The following MBLAC1 variants were observed in gnomAD, a reference collection of about 807,000 sequenced individuals.
MBLAC1 encodes the protein metallo-beta-lactamase domain-containing protein 1.
In MBLAC1, 1 loss-of-function variant was observed where a neutral mutation model predicts 1.5. The ratio of observed to expected loss-of-function variants is 0.68; its 90% CI spans 0.24 to 3.21. MBLAC1 has a LOEUF of 3.21. Ranked by LOEUF, MBLAC1 falls within the 30% of genes most tolerant of loss-of-function variation. The probability of loss-of-function intolerance (pLI) is 0.20; values close to 1 mark genes in which losing one functional copy is unlikely to be tolerated. For synonymous variants in MBLAC1, 197 were observed against 191.3 expected, an observed-to-expected ratio of 1.03 and a Z score of -0.25; for missense variants, 371 against 384.7, an observed-to-expected ratio of 0.96 and a Z score of 0.30.
rs1427605661 is a variant in MBLAC1, at chr7:100,127,579, C to A, written c.184C>A (p.Pro62Thr). 4 of 1,427,470 alleles carry A rather than the reference C, an allele frequency of 2.8e-6. No individual in the cohort carries two copies. Among genetic ancestry groups the A allele is most frequent in the East Asian group, 2.8e-5 (1 of 36,126 alleles). 88.4% of individuals were successfully genotyped at this position (1,427,470 alleles called of 1,614,324 possible). Reference sequence around the variant, plus strand: ...CCCGGCCTCCAGCCACCGAGAGTCCCCGCGCGGGAGTGGCGGCGCAGAGGC... The same window carrying A: ...CCCGGCCTCCAGCCACCGAGAGTCCACGCGCGGGAGTGGCGGCGCAGAGGC... ...RGPASSHRES[P>T]RGSGGAEAAL... Residue 62 changes from proline to threonine, a missense_variant, in exon 2 of 2, where the codon CCG (proline) becomes ACG (threonine). Pro to Thr is a conservative substitution (Grantham distance 38, BLOSUM62 -1). Transcript: ENST00000398075. This position sits in a 1 kb window ranked among gnomAD's most constrained non-coding sequence, Gnocchi z 4.6.
In MBLAC1 at chr7:100,127,706, C is replaced by G. The variant is rs867905844; in HGVS notation, c.311C>G (p.Pro104Arg). The change falls in exon 2 of 2, where the codon CCG becomes CGG. Residue 104 changes from proline to arginine, a missense_variant. By Grantham distance (103) the Pro-to-Arg change is moderately radical. Transcript: ENST00000398075. This position sits in a 1 kb window ranked among gnomAD's most constrained non-coding sequence, Gnocchi z 4.6. ...LGALAGQGVA[P>R]GDVTLVVGTH... ...GCGCTGGCGGGGCAGGGCGTGGCCC[C>G]GGGAGACGTGACGCTAGTGGTGGGG... 5 of 1,447,612 alleles carry G rather than the reference C, an allele frequency of 3.5e-6. No individual in the cohort carries two copies. The highest frequency in any genetic ancestry group is 4.5e-6 in the Non-Finnish European group (5 of 1,102,406). The allele number at this position is 1,447,612 out of a possible 1,614,324, so 89.7% of individuals were successfully genotyped here.
rs779531502 is a variant in MBLAC1 at position 100,128,176 on chromosome 7, G to T, written c.781G>T (p.Glu261Ter). 1.3e-6 allele frequency: 2 copies of T among 1,594,958 alleles called. No individual in the cohort carries two copies. The highest frequency in any genetic ancestry group is 1.7e-4 in the Middle Eastern group (1 of 6,002). ...NSQQEPVVGD[E>*]EPALH ...CCAGCAGGAGCCGGTGGTCGGAGAC[G>T]AGGAGCCCGCCCTGCACTAATCAGC... The change falls in exon 2 of 2, where the codon GAG becomes TAG. Residue 261 changes from glutamate (E) to a stop codon, truncating the protein, a stop_gained. Transcript: ENST00000398075. LOFTEE classifies it low-confidence loss of function (END_TRUNC).
rs1301832275 is a variant in MBLAC1, at chr7:100,127,346, G to C, written c.-28-22G>C. 3 of 1,501,482 alleles carry C rather than the reference G, an allele frequency of 2.0e-6. No homozygotes were observed. Among genetic ancestry groups the C allele is most frequent in the African/African-American group, 2.8e-5 (2 of 71,386 alleles). The allele number at this position is 1,501,482 out of a possible 1,614,324, so 93.0% of individuals were successfully genotyped here. A position where few individuals can be genotyped will look rare whatever the true frequency, so the allele number is the denominator to read the frequency against. On this transcript the variant is annotated intron_variant, in intron 1 of 1. Transcript: ENST00000398075. This position sits in a 1 kb window ranked among gnomAD's most constrained non-coding sequence, Gnocchi z 4.6. ...CGGAGGGACAGGACGGTCGCCCACTGCTCCATTTCCTTTCTCCCCAGCCCG... is the reference window on the plus strand; with the variant it reads ...CGGAGGGACAGGACGGTCGCCCACTCCTCCATTTCCTTTCTCCCCAGCCCG...
chr7:100,128,209 G>C lies in MBLAC1; in HGVS notation c.*13G>C, dbSNP rs747859946. 196 of 1,562,272 alleles carry C rather than the reference G, an allele frequency of 1.3e-4. No individual in the cohort carries two copies. The highest frequency in any genetic ancestry group is 1.5e-4 in the Non-Finnish European group (171 of 1,151,436). On this transcript the variant is annotated 3_prime_UTR_variant, in exon 2 of 2. Coordinates refer to ENST00000398075, the MANE Select transcript of MBLAC1 (RefSeq NM_203397.3). ...CGCCCTGCACTAATCAGCCTCGAGA[G>C]GGACTGCACTCTTGTCAGGGAAGCC...
Position 100,128,025 on chromosome 7 carries a change from C to T in MBLAC1, c.630C>T (p.Pro210=). Residue 210 remains proline, a synonymous_variant, in exon 2 of 2, where the codon CCC becomes CCT. Transcript: ENST00000398075. ...CGTGGCAGGCACTGAGTGAAGACCC[C>T]GCAGCCCAGGAGCGGAGCCGGAAGA... ...EDSWQALSED[P]AAQERSRKRV... The T allele has an allele frequency of 6.2e-7, 1 of 1,613,606 alleles. No individual in the cohort carries two copies. Among genetic ancestry groups the T allele is most frequent in the Non-Finnish European group, 8.5e-7 (1 of 1,179,846 alleles).
At position 100,127,740 on chromosome 7, in the gene MBLAC1, G is replaced by A; in HGVS notation, c.345G>A (p.Gly115=). The A allele has an allele frequency of 1.3e-6, 2 of 1,507,160 alleles. No individual in the cohort carries two copies. Among genetic ancestry groups the A allele is most frequent in the Admixed American group, 2.2e-5 (1 of 45,216 alleles). The allele number at this position is 1,507,160 out of a possible 1,614,324, so 93.4% of individuals were successfully genotyped here. Residue 115 remains glycine (G), a synonymous_variant, in exon 2 of 2, where the codon GGG becomes GGA. Coordinates refer to ENST00000398075, the MANE Select transcript of MBLAC1 (RefSeq NM_203397.3). This position sits in a 1 kb window ranked among gnomAD's most constrained non-coding sequence, Gnocchi z 4.6. ...TGACGCTAGTGGTGGGGACCCACGG[G>A]CACTCGGATCACATCGGGAACTTGG... The part of the protein sequence containing the change: ...GDVTLVVGTH[G]HSDHIGNLGL...
In MBLAC1 at chr7:100,127,595, G is replaced by T. The variant is rs749351187; in HGVS notation, c.200G>T (p.Gly67Val). ...CGAGAGTCCCCGCGCGGGAGTGGCG[G>T]CGCAGAGGCCGCCCTGGAGGAGGCG... Reference protein sequence around the residue: ...SHRESPRGSGGAEAALEEAAR... With the variant: ...SHRESPRGSGVAEAALEEAAR... Residue 67 changes from glycine to valine, a missense_variant, in exon 2 of 2, where the codon GGC (glycine) becomes GTC (valine). Coordinates refer to ENST00000398075, the MANE Select transcript of MBLAC1 (RefSeq NM_203397.3). The surrounding 1 kb of genome is among the most constrained non-coding windows in gnomAD (Gnocchi z 4.6). 1 of 1,406,182 alleles carries T rather than the reference G, an allele frequency of 7.1e-7. No individual in the cohort carries two copies. Among genetic ancestry groups the T allele is most frequent in the Non-Finnish European group, 9.2e-7 (1 of 1,087,990 alleles). The allele number at this position is 1,406,182 out of a possible 1,614,324, so 87.1% of individuals were successfully genotyped here.
In MBLAC1 at chr7:100,128,251, G is replaced by T. The variant is rs1162273549; in HGVS notation, c.*55G>T. 1.4e-6 allele frequency: 2 copies of T among 1,478,516 alleles called. No homozygotes were observed. Among genetic ancestry groups the T allele is most frequent in the Non-Finnish European group, 1.8e-6 (2 of 1,096,440 alleles). 91.6% of individuals were successfully genotyped at this position (1,478,516 alleles called of 1,614,324 possible). A position where few individuals can be genotyped will look rare whatever the true frequency, so the allele number is the denominator to read the frequency against. On this transcript the variant is annotated 3_prime_UTR_variant, in exon 2 of 2. Coordinates refer to ENST00000398075, the MANE Select transcript of MBLAC1 (RefSeq NM_203397.3). ...AGGGAAGCCCTAACAGCGAAGAGCT[G>T]CTGGAGACAGAGTCAGAGCAGTCAA...
rs1187177796 is a variant in MBLAC1 at position 100,127,176 on chromosome 7, A to G, written c.-29+112A>G. 1.3e-5 allele frequency: 7 copies of G among 536,560 alleles called. No homozygotes were observed. Among genetic ancestry groups the G allele is most frequent in the Non-Finnish European group, 2.3e-5 (7 of 305,878 alleles). 33.2% of individuals were successfully genotyped at this position (536,560 alleles called of 1,614,324 possible). ...AATGGGGCGGGGGCCGAGGACGCCG[A>G]GGGAGGGGCGGGCCCAAGTGTGAAG... On this transcript the variant is annotated intron_variant, in intron 1 of 1. Coordinates refer to ENST00000398075, the MANE Select transcript of MBLAC1 (RefSeq NM_203397.3). This position sits in a 1 kb window ranked among gnomAD's most constrained non-coding sequence, Gnocchi z 4.6.
chr7:100,128,270 C>T lies in MBLAC1; in HGVS notation c.*74C>T. ...AGAGCTGCTGGAGACAGAGTCAGAGCAGTCAAGGGTGGGAGCTTCCAGCCC... is the reference window on the plus strand; with the variant it reads ...AGAGCTGCTGGAGACAGAGTCAGAGTAGTCAAGGGTGGGAGCTTCCAGCCC... On this transcript the variant is annotated 3_prime_UTR_variant, in exon 2 of 2. Transcript: ENST00000398075. 7.1e-7 allele frequency: 1 copy of T among 1,415,064 alleles called. No individual in the cohort carries two copies. The highest frequency in any genetic ancestry group is 1.4e-5 in the South Asian group (1 of 71,926). 87.7% of individuals were successfully genotyped at this position (1,415,064 alleles called of 1,614,324 possible). A position where few individuals can be genotyped will look rare whatever the true frequency, so the allele number is the denominator to read the frequency against.
In MBLAC1 at chr7:100,128,434, GTAAAATGGGAGAAGGTT is replaced by G; in HGVS notation, c.*239_*255del. The G allele has an allele frequency of 2.1e-6, 1 of 485,236 alleles. No homozygotes were observed. Among genetic ancestry groups the G allele is most frequent in the South Asian group, 4.7e-5 (1 of 21,162 alleles). The allele number at this position is 485,236 out of a possible 1,614,324, so 30.1% of individuals were successfully genotyped here. A position where few individuals can be genotyped will look rare whatever the true frequency, so the allele number is the denominator to read the frequency against. On this transcript the variant is annotated 3_prime_UTR_variant, in exon 2 of 2. Transcript: ENST00000398075. The stretch of plus-strand genomic sequence containing the variant: ...CCCTGTGCATTCTCCCTGGGCCTCA[GTAAAATGGGAGAAGGTT>G]CGTGGGAGGGGCCTCCAAAATAAAA...
Position 100,128,022 on chromosome 7 carries a change from C to T in MBLAC1, c.627C>T (p.Asp209=), listed in dbSNP as rs1319191699. The T allele has an allele frequency of 3.7e-6, 6 of 1,613,608 alleles. No homozygotes were observed. Among genetic ancestry groups the T allele is most frequent in the Admixed American group, 3.3e-5 (2 of 59,952 alleles). ...DEDSWQALSE[D]PAAQERSRKR... ...ATTCGTGGCAGGCACTGAGTGAAGA[C>T]CCCGCAGCCCAGGAGCGGAGCCGGA... Residue 209 remains aspartate, a synonymous_variant, in exon 2 of 2, where the codon GAC becomes GAT. Coordinates refer to ENST00000398075, the MANE Select transcript of MBLAC1 (RefSeq NM_203397.3).
Position 100,127,427 on chromosome 7 carries a change from C to A in MBLAC1, c.32C>A (p.Pro11His). The change falls in exon 2 of 2, where the codon CCT (proline) becomes CAT (histidine). Residue 11 changes from proline (P) to histidine (H), a missense_variant. Pro to His is a moderately conservative substitution (Grantham distance 77, BLOSUM62 -2). Coordinates refer to ENST00000398075, the MANE Select transcript of MBLAC1 (RefSeq NM_203397.3). The surrounding 1 kb of genome is among the most constrained non-coding windows in gnomAD (Gnocchi z 4.6). The part of the protein sequence containing the change: MRTEPLCGAS[P>H]LLVPGDPYSV... ...ACCGAGCCGCTGTGCGGGGCATCCC[C>A]TCTGCTGGTGCCCGGCGACCCCTAC... 6.3e-7 allele frequency: 1 copy of A among 1,594,284 alleles called. No individual in the cohort carries two copies. Among genetic ancestry groups the A allele is most frequent in the Non-Finnish European group, 8.5e-7 (1 of 1,177,880 alleles).
rs1314345202 is a variant in MBLAC1, at chr7:100,128,411, C to G, written c.*215C>G. The G allele has an allele frequency of 1.8e-6, 1 of 563,306 alleles. No homozygotes were observed. The highest frequency in any genetic ancestry group is 1.9e-5 in the African/African-American group (1 of 52,816). 34.9% of individuals were successfully genotyped at this position (563,306 alleles called of 1,614,324 possible). ...AAGATCAAAGGAGGGGCTCAGCTCC[C>G]TGTGCATTCTCCCTGGGCCTCAGTA... On this transcript the variant is annotated 3_prime_UTR_variant, in exon 2 of 2. Coordinates refer to ENST00000398075, the MANE Select transcript of MBLAC1 (RefSeq NM_203397.3).
At position 100,128,031 on chromosome 7, in the gene MBLAC1, C is replaced by T. The variant is rs1205869450; in HGVS notation, c.636C>T (p.Ala212=). The part of the protein sequence containing the change: ...SWQALSEDPA[A]QERSRKRVLV... ...AGGCACTGAGTGAAGACCCCGCAGC[C>T]CAGGAGCGGAGCCGGAAGAGGGTCC... Residue 212 remains alanine, a synonymous_variant, in exon 2 of 2, where the codon GCC becomes GCT. Transcript: ENST00000398075. 2 of 1,613,656 alleles carry T rather than the reference C, an allele frequency of 1.2e-6. No individual in the cohort carries two copies. The highest frequency in any genetic ancestry group is 8.5e-7 in the Non-Finnish European group (1 of 1,179,872).
At position 100,126,968 on chromosome 7, in the gene MBLAC1, T is replaced by A. The variant is rs1466568169; in HGVS notation, c.-125T>A. ...CTCCGCGGCGCCGCTTCGGCCGCCA[T>A]ATCTGGGTACACGGGAACCGCAGAG... On this transcript the variant is annotated 5_prime_UTR_variant, in exon 1 of 2. Transcript: ENST00000398075. The A allele has an allele frequency of 1.9e-5, 3 of 162,130 alleles. No individual in the cohort carries two copies. Among genetic ancestry groups the A allele is most frequent in the Non-Finnish European group, 4.0e-5 (3 of 74,546 alleles). The allele number at this position is 162,130 out of a possible 1,614,324, so 10.0% of individuals were successfully genotyped here.
Position 100,127,738 on chromosome 7 carries a change from G to C in MBLAC1, c.343G>C (p.Gly115Arg). The stretch of plus-strand genomic sequence containing the variant: ...CGTGACGCTAGTGGTGGGGACCCAC[G>C]GGCACTCGGATCACATCGGGAACTT... Reference protein sequence around the residue: ...GDVTLVVGTHGHSDHIGNLGL... With the variant: ...GDVTLVVGTHRHSDHIGNLGL... Residue 115 changes from glycine to arginine, a missense_variant, in exon 2 of 2, where the codon GGG (glycine) becomes CGG (arginine). By Grantham distance (125) the Gly-to-Arg change is moderately radical. Transcript: ENST00000398075. This position sits in a 1 kb window ranked among gnomAD's most constrained non-coding sequence, Gnocchi z 4.6. The C allele has an allele frequency of 6.6e-7, 1 of 1,504,664 alleles. No individual in the cohort carries two copies. Among genetic ancestry groups the C allele is most frequent in the Non-Finnish European group, 8.9e-7 (1 of 1,128,088 alleles). 93.2% of individuals were successfully genotyped at this position (1,504,664 alleles called of 1,614,324 possible).
Position 100,128,074 on chromosome 7 carries a change from G to A in MBLAC1, c.679G>A (p.Val227Ile). 6.2e-7 allele frequency: 1 copy of A among 1,611,756 alleles called. No homozygotes were observed. The highest frequency in any genetic ancestry group is 8.5e-7 in the Non-Finnish European group (1 of 1,179,192). ...GAGGGTCCTGGTCGTTGCCGACGTG[G>A]TCGTACCTGGTCACGGGCCCCCCTT... ...RKRVLVVADVVVPGHGPPFRV... is the reference protein window; with the variant it reads ...RKRVLVVADVIVPGHGPPFRV... The change falls in exon 2 of 2, where the codon GTC becomes ATC. Residue 227 changes from valine (V) to isoleucine (I), a missense_variant. By Grantham distance (29) the Val-to-Ile change is conservative. Coordinates refer to ENST00000398075, the MANE Select transcript of MBLAC1 (RefSeq NM_203397.3).
chr7:100,127,698 C>T lies in MBLAC1; in HGVS notation c.303C>T (p.Gly101=). Residue 101 remains glycine (G), a synonymous_variant, in exon 2 of 2, where the codon GGC becomes GGT. Coordinates refer to ENST00000398075, the MANE Select transcript of MBLAC1 (RefSeq NM_203397.3). The surrounding 1 kb of genome is among the most constrained non-coding windows in gnomAD (Gnocchi z 4.6). ...TGCTGGGGGCGCTGGCGGGGCAGGG[C>T]GTGGCCCCGGGAGACGTGACGCTAG... The part of the protein sequence containing the change: ...EALLGALAGQ[G]VAPGDVTLVV... 10 of 1,438,350 alleles carry T rather than the reference C, an allele frequency of 7.0e-6. No individual in the cohort carries two copies. The highest frequency in any genetic ancestry group is 2.7e-5 in the East Asian group (1 of 36,854). 89.1% of individuals were successfully genotyped at this position (1,438,350 alleles called of 1,614,324 possible).
Sources: allele counts gnomAD v4.1 joint callset, GRCh38; gene constraint gnomAD v4.1.1; non-coding constraint Gnocchi (gnomAD v3.1); transcripts MANE v1.5; gene names NCBI Gene and HGNC (gene_info 2026-07-23, HGNC 2026-07-21).